FLI1: variants seen among roughly 807,000 people sequenced by gnomAD.
FLI1 encodes the protein Fli-1 proto-oncogene, ETS transcription factor, also known as Friend leukemia integration 1 transcription factor.
A neutral mutation model predicts 53.1 loss-of-function variants in FLI1; 13 were observed. That is an observed-to-expected ratio of 0.24 (90% CI 0.16 to 0.39). The LOEUF (loss-of-function observed/expected upper bound fraction) is 0.39. Among genes scored for constraint, FLI1 ranks in the 10% least tolerant of loss-of-function variants. The pLI is 1.00. For synonymous variants in FLI1, 244 were observed against 236.7 expected, an observed-to-expected ratio of 1.03 and a Z score of -0.28; for missense variants, 424 against 600.5, an observed-to-expected ratio of 0.71 and a Z score of 3.07.
chr11:128,703,803 A>G (rs1255608608), intron 1 of FLI1, among the ~76,000 whole-genome samples: 5 of 139,578 alleles, frequency 3.6e-5, no homozygotes, highest in Admixed American at 3.3e-4. Context: ...AGGTTGCAAC[A>G]CTACACTCCA....
intron 1 of FLI1, among the ~76,000 whole-genome samples, chr11:128,701,321 A>C (rs1015604453): frequency 1.8e-5 from 2 of 110,494 alleles, no homozygotes; most frequent in Non-Finnish European, 3.8e-5. Context: ...GCTTGAGAGG[A>C]GAAAAAAGAA....
intron 1 of FLI1, among the ~76,000 whole-genome samples, chr11:128,742,641 G>T (rs540488773): frequency 6.6e-6 from 1 of 152,234 alleles, no homozygotes; most frequent in African/African-American, 2.4e-5. Flanking sequence ...GCCTCACAAG[G>T]CGAGTTGCTT....
Position 128,782,000 on chromosome 11 carries a change from C to A in FLI1, c.632C>A (p.Ser211Tyr), listed in dbSNP as rs1941931617. Residue 211 changes from serine to tyrosine, a missense_variant, in exon 5 of 9, where the codon TCC becomes TAC. Coordinates refer to ENST00000527786, the MANE Select transcript of FLI1 (RefSeq NM_002017.5). The stretch of plus-strand genomic sequence containing the variant: ...AATACAACCTCCCACACCGACCAAT[C>A]CTCACGATTGAGTGTCAAAGAAGGT... The part of the protein sequence containing the change: ...AYNTTSHTDQ[S>Y]SRLSVKEDPS... The A allele has an allele frequency of 6.2e-7, 1 of 1,613,704 alleles. No individual in the cohort carries two copies. Among genetic ancestry groups the A allele is most frequent in the Admixed American group, 1.7e-5 (1 of 60,000 alleles).
At chr11:128,759,391 G>A (rs1457686544) in intron 2 of FLI1, among the ~76,000 whole-genome samples, 2 of 152,236 alleles carry the variant, frequency 1.3e-5, no homozygotes, top group African/African-American at 4.8e-5. Context: ...AGTGACTTAA[G>A]ACTAGCGAGC....
At chr11:128,744,172 T>C (rs1591772861) in intron 1 of FLI1, among the ~76,000 whole-genome samples, 1 of 152,352 alleles carries the variant, frequency 6.6e-6, no homozygotes, top group East Asian at 1.9e-4. Flanking sequence ...AGCTTACTCG[T>C]AGACAGAGTG....
In FLI1 at chr11:128,726,122, G is replaced by A. The variant is rs182386375; in HGVS notation, c.18+31846G>A. ...TCTTCTTCCAGAACCCCCGAGGTCCGGTCTCCCCTCTCCATCCACTCAGAA... is the reference window on the plus strand; with the variant it reads ...TCTTCTTCCAGAACCCCCGAGGTCCAGTCTCCCCTCTCCATCCACTCAGAA... On this transcript the variant is annotated intron_variant, in intron 1 of 8. Coordinates refer to ENST00000527786, the MANE Select transcript of FLI1 (RefSeq NM_002017.5). 2.5e-4 allele frequency among the ~76,000 whole-genome samples: 38 copies of A among 152,120 alleles called. No homozygotes were observed. In the East Asian group the frequency reaches 4.6e-3, roughly 19 times the overall value.
At chr11:128,783,309 A>G (rs1226877001) in intron 5 of FLI1, among the ~76,000 whole-genome samples, 1 of 152,250 alleles carries the variant, frequency 6.6e-6, no homozygotes, top group Non-Finnish European at 1.5e-5. Context: ...CCAAGGTTAC[A>G]ACTTTGATCA....
intron 1 of FLI1, among the ~76,000 whole-genome samples, chr11:128,706,387 C>G (rs957041954): frequency 6.6e-6 from 1 of 152,174 alleles, no homozygotes; most frequent in African/African-American, 2.4e-5. Flanking sequence ...ACTGAAAGAC[C>G]TTTAGGCATG....
At chr11:128,698,888 C>T (rs1373653615) in intron 1 of FLI1, among the ~76,000 whole-genome samples, 1 of 152,070 alleles carries the variant, frequency 6.6e-6, no homozygotes, top group African/African-American at 2.4e-5. Context: ...AGAAGAAATT[C>T]CAAATTTTTG....
intron 1 of FLI1, among the ~76,000 whole-genome samples, chr11:128,738,957 C>T (rs1940017414): frequency 1.3e-5 from 2 of 152,208 alleles, no homozygotes; most frequent in Non-Finnish European, 2.9e-5. Context: ...GAAAAATCAG[C>T]AGCAAATACT....
intron 1 of FLI1, among the ~76,000 whole-genome samples, chr11:128,739,837 G>A (rs566256955): frequency 2.0e-5 from 3 of 152,302 alleles, no homozygotes; most frequent in South Asian, 2.1e-4. Context: ...GCAAAGGAGT[G>A]TGGGGGCCTG....
At chr11:128,704,715 G>T (rs1938479025) in intron 1 of FLI1, among the ~76,000 whole-genome samples, 1 of 152,166 alleles carries the variant, frequency 6.6e-6, no homozygotes, top group African/African-American at 2.4e-5. Flanking sequence ...ACCCCAGAAG[G>T]CCCCAATTCA....
At chr11:128,779,412 G>A (rs1006086529) in intron 4 of FLI1, among the ~76,000 whole-genome samples, 13 of 152,034 alleles carry the variant, frequency 8.6e-5, no homozygotes, top group African/African-American at 1.9e-4. Context: ...CCTTCCAGTC[G>A]TGCCGGATTA....
chr11:128,795,874 G>A (rs187029103), intron 5 of FLI1, among the ~76,000 whole-genome samples: 26 of 152,272 alleles, frequency 1.7e-4, no homozygotes, highest in Non-Finnish European at 2.9e-4. Context: ...CATATGCATG[G>A]TGTCATTTAT....
chr11:128,785,791 G>A (rs1417283559), intron 5 of FLI1, among the ~76,000 whole-genome samples: 1 of 152,190 alleles, frequency 6.6e-6, no homozygotes, highest in East Asian at 1.9e-4. Context: ...GGAGGTAACT[G>A]TCAACTTTGT....
chr11:128,690,943 A>T (rs1368231592), upstream of FLI1, among the ~76,000 whole-genome samples: 1 of 152,158 alleles, frequency 6.6e-6, no homozygotes, highest in Non-Finnish European at 1.5e-5. Flanking sequence ...CATTGGAGCC[A>T]TGGTAAGCCA....
intron 5 of FLI1, among the ~76,000 whole-genome samples, chr11:128,792,523 C>T (rs1325927800): frequency 6.6e-6 from 1 of 152,168 alleles, no homozygotes; most frequent in Non-Finnish European, 1.5e-5. Flanking sequence ...CCACGCTTAT[C>T]AGTCAAATTC....
chr11:128,712,633 A>C (rs771536711), intron 1 of FLI1, among the ~76,000 whole-genome samples: 1 of 152,156 alleles, frequency 6.6e-6, no homozygotes, highest in Non-Finnish European at 1.5e-5. Flanking sequence ...AGCAGGCAAA[A>C]AGAGAGCTTG....
At chr11:128,781,917 A>G (rs1167879799) in intron 4 of FLI1, 41 bp from the exon 5 acceptor site, 1 of 1,517,814 alleles carries the variant, frequency 6.6e-7, no homozygotes, top group Non-Finnish European at 9.2e-7. Context: ...TGATCTCAGA[A>G]GAACATTTTG....
Sources: allele counts gnomAD v4.1 joint callset (sites outside exome capture counted in the v4.1 genomes callset), GRCh38; gene constraint gnomAD v4.1.1; transcripts MANE v1.5; gene names NCBI Gene and HGNC (gene_info 2026-07-23, HGNC 2026-07-21).